Variants in WDFY2 observed in about 807,000 individuals in gnomAD.
WDFY2 encodes the protein WD repeat and FYVE domain containing 2.
WDFY2 carries 36 observed loss-of-function variants against 56.4 expected under a neutral mutation model. The observed-to-expected ratio is 0.64, with a 90% CI of 0.49 to 0.84. The LOEUF is 0.84. Among genes scored for constraint, WDFY2 ranks in the 40% least tolerant of loss-of-function variants. WDFY2 has a pLI of 0.00. For missense variants in WDFY2, 444 were observed against 512.2 expected, an observed-to-expected ratio of 0.87 and a Z score of 1.29; for synonymous variants, 176 against 183.7, an observed-to-expected ratio of 0.96 and a Z score of 0.34.
chr13:51,706,351 A>T (rs1201130766), intron 4 of WDFY2, among the ~76,000 whole-genome samples: 2 of 152,210 alleles, frequency 1.3e-5, no homozygotes, highest in African/African-American at 4.8e-5. Flanking sequence ...TCTTGGGGAG[A>T]TGGAGAACCA....
chr13:51,656,731 A>G (rs1270335884), intron 1 of WDFY2, among the ~76,000 whole-genome samples: 1 of 152,012 alleles, frequency 6.6e-6, no homozygotes, highest in Non-Finnish European at 1.5e-5. Context: ...GTCAATACAT[A>G]GTGTCCTTGT....
chr13:51,733,799 T>C (rs943319596), intron 6 of WDFY2, among the ~76,000 whole-genome samples: 1 of 152,152 alleles, frequency 6.6e-6, no homozygotes, highest in Non-Finnish European at 1.5e-5. Flanking sequence ...AGAGCATGTA[T>C]TGGCTGGTGA....
intron 4 of WDFY2, among the ~76,000 whole-genome samples, chr13:51,714,894 C>T (rs1952309454): frequency 6.6e-6 from 1 of 152,194 alleles, no homozygotes; most frequent in African/African-American, 2.4e-5. Flanking sequence ...CTGTTGCTCC[C>T]TAGGCTTGCA....
At chr13:51,755,553 T>G (rs945718304) in intron 9 of WDFY2, 94 bp downstream of exon 9, 7 of 1,216,704 alleles carry the variant, frequency 5.8e-6, no homozygotes, top group Non-Finnish European at 8.4e-6. Flanking sequence ...GTGGGAGTTG[T>G]GGTGAGGGTA....
chr13:51,660,861 A>T (rs1427774835), intron 2 of WDFY2, among the ~76,000 whole-genome samples, 198 bp downstream of exon 2: 1 of 152,238 alleles, frequency 6.6e-6, no homozygotes, highest in Non-Finnish European at 1.5e-5. Flanking sequence ...CTCTATATTC[A>T]TAGCTTCTGA....
chr13:51,721,632 G>C (rs990951752), intron 5 of WDFY2, among the ~76,000 whole-genome samples: 1 of 152,012 alleles, frequency 6.6e-6, no homozygotes, highest in African/African-American at 2.4e-5. Flanking sequence ...AGAGCCTCTG[G>C]TTTCAGTTCC....
chr13:51,678,689 A>G (rs1180903698), intron 3 of WDFY2, among the ~76,000 whole-genome samples: 1 of 152,230 alleles, frequency 6.6e-6, no homozygotes, highest in Non-Finnish European at 1.5e-5. Context: ...TGTACAAAAG[A>G]TTATGCTCAA....
chr13:51,615,965 C>T (rs1202822941), intron 1 of WDFY2, among the ~76,000 whole-genome samples: 1 of 152,084 alleles, frequency 6.6e-6, no homozygotes, highest in Non-Finnish European at 1.5e-5. Flanking sequence ...AAGAACAGGC[C>T]ACATGTGGTG....
intron 3 of WDFY2, among the ~76,000 whole-genome samples, chr13:51,694,090 A>G (rs1401086577): frequency 6.6e-6 from 1 of 151,916 alleles, no homozygotes; most frequent in African/African-American, 2.4e-5. Context: ...TGCACGTGAG[A>G]TGGGTTTCCT....
chr13:51,623,235 G>T (rs1231377088), intron 1 of WDFY2, among the ~76,000 whole-genome samples: 2 of 151,516 alleles, frequency 1.3e-5, no homozygotes, highest in African/African-American at 4.9e-5. Flanking sequence ...AAAAAAAAAT[G>T]AAGGTAGGTG....
chr13:51,736,619 A>G (rs578106108), intron 6 of WDFY2, among the ~76,000 whole-genome samples: 1 of 152,220 alleles, frequency 6.6e-6, no homozygotes, highest in East Asian at 1.9e-4. Flanking sequence ...CAGCCTCCCA[A>G]GTAGCTGGAA....
At chr13:51,609,330 T>C (rs2138330610) in intron 1 of WDFY2, among the ~76,000 whole-genome samples, 1 of 152,292 alleles carries the variant, frequency 6.6e-6, no homozygotes, top group South Asian at 2.1e-4. Context: ...CTAACAAACT[T>C]GGTCATGTGT....
intron 1 of WDFY2, among the ~76,000 whole-genome samples, chr13:51,626,892 C>CTGTGCT (rs1291342655): frequency 1.3e-5 from 2 of 152,224 alleles, no homozygotes; most frequent in African/African-American, 4.8e-5. Flanking sequence ...GCCCAGCAGG[C>CTGTGCT]TGTGCTTGGC....
At chr13:51,619,560 A>G (rs190769558) in intron 1 of WDFY2, among the ~76,000 whole-genome samples, 19 of 152,310 alleles carry the variant, frequency 1.2e-4, no homozygotes, top group East Asian at 3.9e-4. Context: ...TCCTCATTCT[A>G]TCTCATATGT....
intron 7 of WDFY2, among the ~76,000 whole-genome samples, chr13:51,748,034 C>T (rs555106959): frequency 6.6e-6 from 1 of 152,132 alleles, no homozygotes; most frequent in Non-Finnish European, 1.5e-5. Context: ...CTTTCAAGGC[C>T]AGACTCTCTT....
At chr13:51,754,958 C>G (rs1177514759) in intron 8 of WDFY2, among the ~76,000 whole-genome samples, 1 of 152,086 alleles carries the variant, frequency 6.6e-6, no homozygotes, top group Non-Finnish European at 1.5e-5. Context: ...CTGCCCCCTC[C>G]AGCCTCATCT....
intron 1 of WDFY2, among the ~76,000 whole-genome samples, chr13:51,595,433 A>T (rs376821282): frequency 6.6e-6 from 1 of 152,162 alleles, no homozygotes; most frequent in East Asian, 1.9e-4. Context: ...TCACATAAAC[A>T]CCCAGATTGC....
intron 8 of WDFY2, among the ~76,000 whole-genome samples, chr13:51,752,121 G>A (rs1412881498): frequency 6.6e-6 from 1 of 152,118 alleles, no homozygotes; most frequent in Non-Finnish European, 1.5e-5. Context: ...ACATAGAAAA[G>A]CAACATTTTA....
At chr13:51,713,408 G>A (rs1952268653) in intron 4 of WDFY2, among the ~76,000 whole-genome samples, 1 of 152,158 alleles carries the variant, frequency 6.6e-6, no homozygotes, top group African/African-American at 2.4e-5. Flanking sequence ...TAGCAGCATT[G>A]TTTACAATAG....
Sources: gnomAD v4.1 joint callset for allele counts (sites outside exome capture counted in the v4.1 genomes callset) on GRCh38, gnomAD v4.1.1 for gene constraint, MANE v1.5 for transcripts, NCBI Gene and HGNC (gene_info 2026-07-23, HGNC 2026-07-21) for gene names.